The following DLG2 variants were observed in gnomAD, a reference collection of about 807,000 sequenced individuals.
DLG2 encodes discs large MAGUK scaffold protein 2.
In DLG2, 45 loss-of-function variants were observed where a neutral mutation model predicts 132.5. The observed-to-expected ratio is 0.34, with a 90% CI of 0.27 to 0.44. DLG2 has a LOEUF of 0.44. DLG2 is among the 20% of genes least tolerant of loss of function. DLG2 has a pLI of 1.00. For synonymous variants in DLG2, 424 were observed against 419.6 expected (o/e 1.01, Z -0.13); for missense variants, 1,045 against 1,196.9 (o/e 0.87, Z 1.87).
chr11:83,633,766 A>ACC (rs1555268451), intron 18 of DLG2, among the ~76,000 whole-genome samples: 1 of 148,864 alleles, frequency 6.7e-6, no homozygotes, highest in African/African-American at 2.6e-5. Flanking sequence ...ACACACACAC[A>ACC]CACACACACA....
intron 8 of DLG2, among the ~76,000 whole-genome samples, chr11:84,223,180 T>C (rs2096939833): frequency 6.6e-6 from 1 of 152,192 alleles, no homozygotes; most frequent in African/African-American, 2.4e-5. Context: ...TGCTTCCTTG[T>C]GTAGGGCTCT....
At chr11:85,579,942 T>G (rs1477339363) in intron 3 of DLG2, among the ~76,000 whole-genome samples, 7 of 152,140 alleles carry the variant, frequency 4.6e-5, no homozygotes. Context: ...CACCCAAATC[T>G]CATCTTGAAT....
At chr11:84,822,484 T>G (rs749677493) in intron 6 of DLG2, among the ~76,000 whole-genome samples, 1 of 151,862 alleles carries the variant, frequency 6.6e-6, no homozygotes, top group Admixed American at 6.6e-5. Flanking sequence ...TTTAGTTATT[T>G]TCCAAAAATT....
At position 83,516,515 on chromosome 11, in the gene DLG2, C is replaced by A. The variant is rs187671206; in HGVS notation, c.2193+16193G>T. ...TGTGCCTTTTAATTGGAGCATTTAG[C>A]CCATTTACATTTAAGGTTAGTATTG... On this transcript the variant is annotated intron_variant, in intron 21 of 27. Transcript: ENST00000376104. Among the ~76,000 whole-genome samples the A allele has an allele frequency of 6.9e-3, 1,057 of 152,224 alleles. 18 individuals are homozygous for A. The highest frequency in any genetic ancestry group is 0.025 in the African/African-American group (1,024 of 41,548).
intron 17 of DLG2, among the ~76,000 whole-genome samples, chr11:83,812,987 G>A (rs964242495): frequency 6.6e-6 from 1 of 152,172 alleles, no homozygotes; most frequent in African/African-American, 2.4e-5. Flanking sequence ...CTTGCTTTGT[G>A]TCAGGCACCA....
chr11:84,536,572 A>G (rs2099356069), intron 6 of DLG2, among the ~76,000 whole-genome samples: 1 of 152,214 alleles, frequency 6.6e-6, no homozygotes, highest in African/African-American at 2.4e-5. Context: ...TTGATCAGTT[A>G]CGCCCATTAT....
In DLG2 at chr11:83,886,934, G is replaced by A. The variant is rs913305304; in HGVS notation, c.1497-12446C>T. Among the ~76,000 whole-genome samples, 245 of 152,052 alleles carry A rather than the reference G, an allele frequency of 1.6e-3. 4 individuals are homozygous for A. In the East Asian group the frequency reaches 0.044, roughly 28 times the overall value. ...AGACACAACATACCAGAATCTCTGG[G>A]ACACATTCAAAGCAGTGTGTAGAGG... On this transcript the variant is annotated intron_variant, in intron 15 of 27. Coordinates refer to ENST00000376104, the MANE Select transcript of DLG2 (RefSeq NM_001142699.3).
intron 6 of DLG2, among the ~76,000 whole-genome samples, chr11:84,718,108 C>T (rs1160250478): frequency 1.3e-5 from 2 of 151,894 alleles, no homozygotes; most frequent in East Asian, 3.9e-4. Flanking sequence ...AAGATAGAAT[C>T]CTTATGTCAA....
At chr11:83,463,805 C>T (rs1282809026) in intron 26 of DLG2, among the ~76,000 whole-genome samples, 1 of 152,186 alleles carries the variant, frequency 6.6e-6, no homozygotes, top group African/African-American at 2.4e-5. Context: ...AGAAAGAAAT[C>T]ACATAGTTCT....
rs560526504 is a variant in DLG2 at position 85,224,953 on chromosome 11, A to G, written c.186+60267T>C. On this transcript the variant is annotated intron_variant, in intron 4 of 27. Transcript: ENST00000376104. Reference sequence around the variant, plus strand: ...ATTTTTCTTTATTTTATAAGTTTTCAACAAATAACATGTGGTACTTTGATT... The same window carrying G: ...ATTTTTCTTTATTTTATAAGTTTTCGACAAATAACATGTGGTACTTTGATT... Among the ~76,000 whole-genome samples the G allele has an allele frequency of 3.9e-5, 6 of 152,330 alleles. 1 individual carries two copies. The South Asian group carries it at 1.2e-3, about 32-fold the overall frequency.
intron 3 of DLG2, among the ~76,000 whole-genome samples, chr11:85,592,787 C>CA (rs1385648527): frequency 4.6e-5 from 7 of 151,048 alleles, no homozygotes; most frequent in South Asian, 2.1e-4. Flanking sequence ...CTCCTTTCCG[C>CA]AAAAAAAATT....
At chr11:85,271,529 G>A (rs560053282) in intron 4 of DLG2, among the ~76,000 whole-genome samples, 1 of 152,222 alleles carries the variant, frequency 6.6e-6, no homozygotes, top group Non-Finnish European at 1.5e-5. Context: ...CTTGCACCGT[G>A]CACCCAGAAA....
At chr11:83,575,966 A>G (rs984267895) in intron 19 of DLG2, among the ~76,000 whole-genome samples, 3 of 152,190 alleles carry the variant, frequency 2.0e-5, no homozygotes, top group Admixed American at 6.6e-5. Context: ...CCCATAACTG[A>G]CACAAATGTT....
chr11:85,323,730 C>T (rs2081244307), intron 3 of DLG2, among the ~76,000 whole-genome samples: 1 of 152,194 alleles, frequency 6.6e-6, no homozygotes, highest in South Asian at 2.1e-4. Context: ...TTTTAGCTCC[C>T]ACATATTAGT....
intron 4 of DLG2, among the ~76,000 whole-genome samples, chr11:85,254,688 A>C (rs1318151139): frequency 9.2e-5 from 14 of 152,194 alleles, no homozygotes; most frequent in Admixed American, 9.2e-4. Context: ...TTCCTCTAAA[A>C]ATCAATTAGC....
At chr11:83,800,266 A>T (rs2043999100) in intron 17 of DLG2, among the ~76,000 whole-genome samples, 1 of 152,192 alleles carries the variant, frequency 6.6e-6, no homozygotes, top group Non-Finnish European at 1.5e-5. Context: ...CAGTTTCTTT[A>T]TCTAGAAAGA....
chr11:83,641,166 A>G (rs1237310507), intron 18 of DLG2, among the ~76,000 whole-genome samples: 1 of 152,208 alleles, frequency 6.6e-6, no homozygotes, highest in Non-Finnish European at 1.5e-5. Context: ...TTCTGATTTC[A>G]CAAGCTGAAA....
chr11:83,614,446 C>T lies in DLG2; in HGVS notation c.1940+18765G>A, dbSNP rs550854742. On this transcript the variant is annotated intron_variant, in intron 19 of 27. Transcript: ENST00000376104. ...AAAAAAATAATAAACAAGCTGGGAG[C>T]GATAGATCATGCCTATAATCTCGGC... Among the ~76,000 whole-genome samples the T allele has an allele frequency of 5.9e-5, 9 of 152,224 alleles. No homozygotes were observed. In the South Asian group the frequency reaches 6.2e-4, roughly 11 times the overall value.
intron 18 of DLG2, among the ~76,000 whole-genome samples, chr11:83,735,273 T>G (rs2091746051): frequency 6.6e-6 from 1 of 152,156 alleles, no homozygotes; most frequent in African/African-American, 2.4e-5. Flanking sequence ...TTAAGGATTA[T>G]TGATTTGATA....
Sources: allele counts gnomAD v4.1 joint callset (sites outside exome capture counted in the v4.1 genomes callset), GRCh38; gene constraint gnomAD v4.1.1; transcripts MANE v1.5; gene names NCBI Gene and HGNC (gene_info 2026-07-23, HGNC 2026-07-21).